The following ASTN1 variants were observed in gnomAD, a reference collection of about 807,000 sequenced individuals.
The protein encoded by ASTN1 is astrotactin-1.
In ASTN1, 41 loss-of-function variants were observed where a neutral mutation model predicts 140.7. That is an observed-to-expected ratio of 0.29 (90% CI 0.23 to 0.38). ASTN1 has a LOEUF of 0.38. Ranked by LOEUF, ASTN1 falls within the 10% of genes least tolerant of loss-of-function variation. ASTN1 has a pLI of 1.00. For synonymous variants in ASTN1, 640 were observed against 652.2 expected, an observed-to-expected ratio of 0.98 and a Z score of 0.29; for missense variants, 1,479 against 1,678.8, an observed-to-expected ratio of 0.88 and a Z score of 2.08.
chr1:176,992,768 C>G (rs923149854), intron 8 of ASTN1, among the ~76,000 whole-genome samples: 1 of 152,290 alleles, frequency 6.6e-6, no homozygotes, highest in East Asian at 1.9e-4. Flanking sequence ...GTGGACCCAT[C>G]AATCATGTAG....
chr1:176,934,402 C>G, intron 15 of ASTN1, 62 bp from the exon 16 acceptor site: 1 of 1,474,208 alleles, frequency 6.8e-7, no homozygotes, highest in Non-Finnish European at 9.2e-7. Flanking sequence ...TACGGATTCC[C>G]AGGCAATTCA....
intron 1 of ASTN1, among the ~76,000 whole-genome samples, chr1:177,062,491 C>T (rs1209086676): frequency 6.6e-6 from 1 of 151,524 alleles, no homozygotes; most frequent in Non-Finnish European, 1.5e-5. Flanking sequence ...GCAATCCTCC[C>T]ACCCTGGCCT....
At chr1:176,971,844 G>A (rs1673151990) in intron 8 of ASTN1, among the ~76,000 whole-genome samples, 1 of 152,112 alleles carries the variant, frequency 6.6e-6, no homozygotes, top group Admixed American at 6.5e-5. Flanking sequence ...CCTGGATGAG[G>A]CAATCATTGA....
intron 20 of ASTN1, among the ~76,000 whole-genome samples, chr1:176,880,951 C>A (rs1668769392): frequency 6.6e-6 from 1 of 152,222 alleles, no homozygotes; most frequent in South Asian, 2.1e-4. Context: ...CCGCCCTCCT[C>A]CCAGTTTATA....
chr1:176,977,657 A>T (rs183892345), intron 8 of ASTN1, among the ~76,000 whole-genome samples: 2 of 152,278 alleles, frequency 1.3e-5, no homozygotes, highest in East Asian at 3.9e-4. Context: ...ACTTTTTTTC[A>T]CTTAATTCTC....
chr1:177,098,375 T>C (rs1309786136), intron 1 of ASTN1, among the ~76,000 whole-genome samples: 1 of 152,096 alleles, frequency 6.6e-6, no homozygotes, highest in Non-Finnish European at 1.5e-5. Context: ...GGAGTACCTA[T>C]ATCAAAGGAC....
intron 1 of ASTN1, among the ~76,000 whole-genome samples, chr1:177,084,412 G>A (rs1255320875): frequency 3.9e-5 from 6 of 152,140 alleles, no homozygotes; most frequent in South Asian, 2.1e-4. Context: ...CCCCCACAAA[G>A]AGAAAATCTC....
chr1:177,158,420 T>C (rs1388780403), intron 1 of ASTN1, among the ~76,000 whole-genome samples: 2 of 152,192 alleles, frequency 1.3e-5, no homozygotes, highest in Non-Finnish European at 2.9e-5. Context: ...ATTTGTATAG[T>C]ACATTCGAAA....
intron 1 of ASTN1, among the ~76,000 whole-genome samples, chr1:177,134,947 T>C (rs573584267): frequency 1.3e-5 from 2 of 152,260 alleles, no homozygotes; most frequent in South Asian, 2.1e-4. Flanking sequence ...TTATAGCAGA[T>C]GAATAATGAA....
chr1:177,111,802 C>T (rs919094548), intron 1 of ASTN1, among the ~76,000 whole-genome samples: 1 of 152,158 alleles, frequency 6.6e-6, no homozygotes, highest in Non-Finnish European at 1.5e-5. Context: ...GAAAGCAGCC[C>T]CCTTTTGTAT....
At chr1:176,999,364 T>C (rs1432186572) in intron 8 of ASTN1, among the ~76,000 whole-genome samples, 1 of 152,218 alleles carries the variant, frequency 6.6e-6, no homozygotes, top group African/African-American at 2.4e-5. Flanking sequence ...ACTGATGTCA[T>C]CTTTGATTTT....
At chr1:177,035,622 G>A (rs1676676552) in intron 2 of ASTN1, among the ~76,000 whole-genome samples, 1 of 152,130 alleles carries the variant, frequency 6.6e-6, no homozygotes, top group Non-Finnish European at 1.5e-5. Context: ...ATACCATTAG[G>A]CCTTCAACTG....
intron 16 of ASTN1, among the ~76,000 whole-genome samples, chr1:176,910,396 CA>C (rs1670182158): frequency 6.6e-6 from 1 of 152,178 alleles, no homozygotes; most frequent in African/African-American, 2.4e-5. Flanking sequence ...AAGACCCTAA[CA>C]AACCCCACTC....
chr1:176,997,642 T>C (rs1018645668), intron 8 of ASTN1, among the ~76,000 whole-genome samples: 1 of 152,228 alleles, frequency 6.6e-6, no homozygotes, highest in Middle Eastern at 3.4e-3. Flanking sequence ...TCTATTTTTA[T>C]TGAGCACCTA....
chr1:176,972,630 C>G (rs972067581), intron 8 of ASTN1, among the ~76,000 whole-genome samples: 4 of 152,066 alleles, frequency 2.6e-5, no homozygotes, highest in African/African-American at 9.7e-5. Flanking sequence ...CTCCAAAGTG[C>G]TGGGATTACA....
intron 8 of ASTN1, among the ~76,000 whole-genome samples, chr1:177,013,391 T>G (rs1311339806): frequency 1.3e-5 from 2 of 152,214 alleles, no homozygotes; most frequent in Non-Finnish European, 2.9e-5. Context: ...TCTATGGGCA[T>G]CTATCATGCC....
In ASTN1 at chr1:176,863,912, A is replaced by C. The variant is rs1668045549; in HGVS notation, c.*372T>G. 9.6e-7 allele frequency: 1 copy of C among 1,038,886 alleles called. No homozygotes were observed. The highest frequency in any genetic ancestry group is 1.2e-6 in the Non-Finnish European group (1 of 861,738). 64.4% of individuals were successfully genotyped at this position (1,038,886 alleles called of 1,614,324 possible). On this transcript the variant is annotated 3_prime_UTR_variant, in exon 23 of 23. Coordinates refer to ENST00000361833, the MANE Select transcript of ASTN1 (RefSeq NM_004319.3). ...CCAGTTGCAATGGATTTAGGAACTG[A>C]GTGAGCACAGGGTGCCTACTTAATA...
At chr1:177,034,098 A>G (rs528386359) in intron 2 of ASTN1, among the ~76,000 whole-genome samples, 98 of 152,300 alleles carry the variant, frequency 6.4e-4, no homozygotes, top group Admixed American at 6.2e-3. Context: ...GCCCACCCAC[A>G]TAAAGCTAGG....
intron 1 of ASTN1, among the ~76,000 whole-genome samples, chr1:177,070,187 T>C (rs910836131): frequency 6.6e-5 from 10 of 152,316 alleles, no homozygotes; most frequent in African/African-American, 2.4e-4. Flanking sequence ...TCTCCTGCAG[T>C]GATGTGTTGG....
Sources: allele counts gnomAD v4.1 joint callset (sites outside exome capture counted in the v4.1 genomes callset), GRCh38; gene constraint gnomAD v4.1.1; transcripts MANE v1.5; gene names NCBI Gene and HGNC (gene_info 2026-07-23, HGNC 2026-07-21).